Variants in AGPAT4 observed in about 807,000 individuals in gnomAD.
The protein encoded by AGPAT4 is 1-acyl-sn-glycerol-3-phosphate acyltransferase delta.
In AGPAT4, 15 loss-of-function variants were observed where a neutral mutation model predicts 48.0. That is an observed-to-expected ratio of 0.31 (90% CI 0.21 to 0.48). The LOEUF (loss-of-function observed/expected upper bound fraction) is 0.48, where lower values mean the gene tolerates loss of function less well. AGPAT4 is among the 20% of genes least tolerant of loss of function. The pLI is 0.99. For synonymous variants in AGPAT4, 178 were observed against 198.7 expected, an observed-to-expected ratio of 0.90 and a Z score of 0.88; for missense variants, 314 against 482.5, an observed-to-expected ratio of 0.65 and a Z score of 3.27.
rs1330018563 is a variant in AGPAT4, at chr6:161,272,146, C to A, written c.-90+1792G>T. Among the ~76,000 whole-genome samples, 3 of 152,090 alleles carry A rather than the reference C, an allele frequency of 2.0e-5. No individual in the cohort carries two copies. The East Asian group carries it at 5.8e-4, about 29-fold the overall frequency. ...ACTTTTCTACCTGAATTACTTAGGA[C>A]CTCTGGATTTATAGCAGATTTGATA... On this transcript the variant is annotated intron_variant, in intron 1 of 8. Transcript: ENST00000320285. This position sits in a 1 kb window ranked among gnomAD's most constrained non-coding sequence, Gnocchi z 4.2.
In AGPAT4 at chr6:161,226,794, A is replaced by T. The variant is rs1296991034; in HGVS notation, c.178+5242T>A. Among the ~76,000 whole-genome samples the T allele has an allele frequency of 6.6e-6, 1 of 152,150 alleles. No individual in the cohort carries two copies. The highest frequency in any genetic ancestry group is 1.5e-5 in the Non-Finnish European group (1 of 68,020). On this transcript the variant is annotated intron_variant, in intron 2 of 8. Coordinates refer to ENST00000320285, the MANE Select transcript of AGPAT4 (RefSeq NM_020133.3). This position sits in a 1 kb window ranked among gnomAD's most constrained non-coding sequence, Gnocchi z 6.3. ...CCTTGCCTTCCCTGTGCTGCCGGGCAGGAGGGTCTGCAGGCAGAAGGAGTT... is the reference window on the plus strand; with the variant it reads ...CCTTGCCTTCCCTGTGCTGCCGGGCTGGAGGGTCTGCAGGCAGAAGGAGTT...
rs888325623 is a variant in AGPAT4, at chr6:161,234,830, C to T, written c.-89-2528G>A. On this transcript the variant is annotated intron_variant, in intron 1 of 8. Transcript: ENST00000320285. This position sits in a 1 kb window ranked among gnomAD's most constrained non-coding sequence, Gnocchi z 4.4. ...GCAGGGGGTTAAATGCTGCCTTCTTCAGTGTCCAGTTCAATATTAGGGCAT... is the reference window on the plus strand; with the variant it reads ...GCAGGGGGTTAAATGCTGCCTTCTTTAGTGTCCAGTTCAATATTAGGGCAT... Among the ~76,000 whole-genome samples, 1 of 151,988 alleles carries T rather than the reference C, an allele frequency of 6.6e-6. No individual in the cohort carries two copies. Among genetic ancestry groups the T allele is most frequent in the African/African-American group, 2.4e-5 (1 of 41,368 alleles).
In AGPAT4 at chr6:161,180,286, C is replaced by T. The variant is rs1158659358; in HGVS notation, c.179-13869G>A. Reference sequence around the variant, plus strand: ...AGTGGGTGGGCCCAGCTCCTCTCTGCAGCCCATCCCAGAAGTGCCATGGAG... The same window carrying T: ...AGTGGGTGGGCCCAGCTCCTCTCTGTAGCCCATCCCAGAAGTGCCATGGAG... On this transcript the variant is annotated intron_variant, in intron 2 of 8. Coordinates refer to ENST00000320285, the MANE Select transcript of AGPAT4 (RefSeq NM_020133.3). This position sits in a 1 kb window ranked among gnomAD's most constrained non-coding sequence, Gnocchi z 6.4. Among the ~76,000 whole-genome samples, 2 of 152,202 alleles carry T rather than the reference C, an allele frequency of 1.3e-5. No individual in the cohort carries two copies. Among genetic ancestry groups the T allele is most frequent in the African/African-American group, 2.4e-5 (1 of 41,452 alleles).
In AGPAT4 at chr6:161,245,394, T is replaced by C. The variant is rs568433151; in HGVS notation, c.-89-13092A>G. On this transcript the variant is annotated intron_variant, in intron 1 of 8. Coordinates refer to ENST00000320285, the MANE Select transcript of AGPAT4 (RefSeq NM_020133.3). This position sits in a 1 kb window ranked among gnomAD's most constrained non-coding sequence, Gnocchi z 5.2. Reference sequence around the variant, plus strand: ...GATATCAGTCCCAGTTTTATGGTTCTGGAAAATGGGAAATGGGGCCACTTG... The same window carrying C: ...GATATCAGTCCCAGTTTTATGGTTCCGGAAAATGGGAAATGGGGCCACTTG... Among the ~76,000 whole-genome samples the C allele has an allele frequency of 6.6e-6, 1 of 152,330 alleles. No homozygotes were observed. The highest frequency in any genetic ancestry group is 2.4e-5 in the African/African-American group (1 of 41,578).
intron 2 of AGPAT4, among the ~76,000 whole-genome samples, chr6:161,179,213 C>T (rs1780514189): frequency 6.6e-6 from 1 of 152,166 alleles, no homozygotes; most frequent in Non-Finnish European, 1.5e-5. Flanking sequence ...GAGTTCGTTT[C>T]CAACATGCGT....
intron 2 of AGPAT4, among the ~76,000 whole-genome samples, chr6:161,173,196 C>T (rs189201625): frequency 6.6e-6 from 1 of 152,178 alleles, no homozygotes; most frequent in African/African-American, 2.4e-5. Flanking sequence ...ATTTCTAGTT[C>T]TAGATCCTTG....
chr6:161,269,121 C>T (rs1340550110), intron 1 of AGPAT4, among the ~76,000 whole-genome samples: 2 of 152,116 alleles, frequency 1.3e-5, no homozygotes, highest in East Asian at 1.9e-4. Flanking sequence ...TACTTTGAGT[C>T]GATGTGGGGG....
intron 1 of AGPAT4, among the ~76,000 whole-genome samples, chr6:161,252,683 A>T (rs1196327253): frequency 6.6e-6 from 1 of 151,880 alleles, no homozygotes; most frequent in Non-Finnish European, 1.5e-5. Flanking sequence ...GGTGGTGCAC[A>T]TCTGTGGTCC....
At chr6:161,268,355 A>C (rs914087722) in intron 1 of AGPAT4, among the ~76,000 whole-genome samples, 2 of 152,226 alleles carry the variant, frequency 1.3e-5, no homozygotes, top group African/African-American at 4.8e-5. Flanking sequence ...CTATAAAAAA[A>C]CAAAACGGGA....
At position 161,141,354 on chromosome 6, in the gene AGPAT4, A is replaced by G. The variant is rs948364943; in HGVS notation, c.844-1734T>C. ...TGAAGAACAATCAACGTGTGTGCCA[A>G]GCACTCCTACCCTCAAGCAGTGAGA... On this transcript the variant is annotated intron_variant, in intron 7 of 8. Transcript: ENST00000320285. This position sits in a 1 kb window ranked among gnomAD's most constrained non-coding sequence, Gnocchi z 6.7. Among the ~76,000 whole-genome samples the G allele has an allele frequency of 2.0e-5, 3 of 152,102 alleles. No homozygotes were observed. Among genetic ancestry groups the G allele is most frequent in the African/African-American group, 4.8e-5 (2 of 41,426 alleles).
intron 2 of AGPAT4, among the ~76,000 whole-genome samples, chr6:161,176,671 G>C (rs2114988776): frequency 6.6e-6 from 1 of 152,280 alleles, no homozygotes; most frequent in Admixed American, 6.5e-5. Context: ...GTGTGAATTT[G>C]ATCCTGTCAT....
Position 161,134,581 on chromosome 6 carries a change from A to AAAT in AGPAT4, c.*1956_*1958dup, listed in dbSNP as rs1489140232. The AAAT allele has an allele frequency of 6.6e-6, 1 of 152,052 alleles. No homozygotes were observed. Among genetic ancestry groups the AAAT allele is most frequent in the Non-Finnish European group, 1.5e-5 (1 of 68,024 alleles). 9.4% of individuals were successfully genotyped at this position (152,052 alleles called of 1,614,324 possible). A position where few individuals can be genotyped will look rare whatever the true frequency, so the allele number is the denominator to read the frequency against. On this transcript the variant is annotated 3_prime_UTR_variant, in exon 9 of 9. Coordinates refer to ENST00000320285, the MANE Select transcript of AGPAT4 (RefSeq NM_020133.3). ...CGTCACCCCCATTTTGCAGATGGGG[A>AAAT]AATGAGTCAGCAAGGAAAAGTGTCT...
chr6:161,209,265 T>C (rs1781462603), intron 2 of AGPAT4, among the ~76,000 whole-genome samples: 1 of 152,152 alleles, frequency 6.6e-6, no homozygotes, highest in Non-Finnish European at 1.5e-5. Context: ...TGCTTTCTTC[T>C]CTACTGGGCT....
chr6:161,273,098 C>A (rs1266163365), intron 1 of AGPAT4, among the ~76,000 whole-genome samples: 1 of 152,168 alleles, frequency 6.6e-6, no homozygotes, highest in South Asian at 2.1e-4. Flanking sequence ...ATGATCTCAC[C>A]TCCTGTAAGG....
intron 2 of AGPAT4, among the ~76,000 whole-genome samples, chr6:161,179,560 T>G (rs552297258): frequency 5.3e-5 from 8 of 152,316 alleles, no homozygotes; most frequent in African/African-American, 1.7e-4. Flanking sequence ...TTCTCCTGAT[T>G]TCTACTACAT....
chr6:161,260,673 A>C (rs942570298), intron 1 of AGPAT4, among the ~76,000 whole-genome samples: 17 of 150,388 alleles, frequency 1.1e-4, no homozygotes, highest in Admixed American at 6.6e-4. Flanking sequence ...AAAAAAAAAA[A>C]AAAAAAAAAC....
At chr6:161,183,171 A>C (rs1249062767) in intron 2 of AGPAT4, among the ~76,000 whole-genome samples, 1 of 152,118 alleles carries the variant, frequency 6.6e-6, no homozygotes, top group Non-Finnish European at 1.5e-5. Context: ...GTTTCTGATG[A>C]CCCAGGCCTG....
Position 161,266,138 on chromosome 6 carries a change from T to C in AGPAT4, c.-90+7800A>G, listed in dbSNP as rs893499323. ...AGGAGTGGGGTGACTACTCCTGGCA[T>C]GTAACAGTTAGAGGCCAGGAATGTG... On this transcript the variant is annotated intron_variant, in intron 1 of 8. Transcript: ENST00000320285. This position sits in a 1 kb window ranked among gnomAD's most constrained non-coding sequence, Gnocchi z 6.2. 2.6e-5 allele frequency among the ~76,000 whole-genome samples: 4 copies of C among 152,124 alleles called. No homozygotes were observed. Among genetic ancestry groups the C allele is most frequent in the African/African-American group, 7.2e-5 (3 of 41,432 alleles).
At chr6:161,258,429 A>G (rs1312672501) in intron 1 of AGPAT4, among the ~76,000 whole-genome samples, 1 of 152,158 alleles carries the variant, frequency 6.6e-6, no homozygotes, top group African/African-American at 2.4e-5. Context: ...CTCTGAATCT[A>G]TAAACTTTTC....
Sources: gnomAD v4.1 joint callset for allele counts (sites outside exome capture counted in the v4.1 genomes callset) on GRCh38, gnomAD v4.1.1 for gene constraint, Gnocchi (gnomAD v3.1) non-coding constraint, MANE v1.5 for transcripts, NCBI Gene and HGNC (gene_info 2026-07-23, HGNC 2026-07-21) for gene names.